PDE1C: variants seen among roughly 807,000 people sequenced by gnomAD.
The protein encoded by PDE1C is phosphodiesterase 1C.
PDE1C carries 62 observed loss-of-function variants against 93.1 expected under a neutral mutation model. The ratio of observed to expected loss-of-function variants is 0.67; its 90% CI spans 0.54 to 0.82. The LOEUF is 0.82. Among genes scored for constraint, PDE1C ranks in the 40% least tolerant of loss-of-function variants. The probability of loss-of-function intolerance (pLI) is 0.00; values close to 1 mark genes in which losing one functional copy is unlikely to be tolerated. For missense variants in PDE1C, 742 were observed against 884.6 expected, an observed-to-expected ratio of 0.84 and a Z score of 2.04; for synonymous variants, 325 against 310.1, an observed-to-expected ratio of 1.05 and a Z score of -0.50.
At chr7:31,963,620 A>G (rs570276720) in intron 2 of PDE1C, among the ~76,000 whole-genome samples, 1 of 152,348 alleles carries the variant, frequency 6.6e-6, no homozygotes, top group African/African-American at 2.4e-5. Context: ...GTAATCTGTT[A>G]CATTTTAGAA....
the PDE1C span, among the ~76,000 whole-genome samples, chr7:31,672,897 T>G: frequency 6.6e-6 from 1 of 152,198 alleles, no homozygotes; most frequent in Non-Finnish European, 1.5e-5. Flanking sequence ...ATTTTCCCCT[T>G]GCTGTTCTTG....
At chr7:32,027,042 G>C (rs951390837) in intron 2 of PDE1C, among the ~76,000 whole-genome samples, 1 of 152,100 alleles carries the variant, frequency 6.6e-6, no homozygotes. Flanking sequence ...AGAGCACAGA[G>C]AGTTTTCAGG....
chr7:31,893,296 A>G lies in PDE1C; in HGVS notation c.129-12436T>C, dbSNP rs143124407. Among the ~76,000 whole-genome samples the G allele has an allele frequency of 2.8e-3, 434 of 152,324 alleles. 1 individual carries two copies. Among genetic ancestry groups the G allele is most frequent in the Middle Eastern group, 0.014 (4 of 294 alleles). ...GTAATTACCATTCAATTTCCTTCCA[A>G]CTATACATCATTTTGTAATAGCTTT... On this transcript the variant is annotated intron_variant, in intron 2 of 17. Transcript: ENST00000396191.
chr7:31,727,730 G>A, the PDE1C span, among the ~76,000 whole-genome samples: 3 of 152,136 alleles, frequency 2.0e-5, no homozygotes, highest in Non-Finnish European at 2.9e-5. Context: ...TGGGAGATGT[G>A]TGCATATAAA....
At position 31,797,712 on chromosome 7, in the gene PDE1C, C is replaced by G. The variant is rs140826127; in HGVS notation, c.1891+11319G>C. ...AGAGGGGTGTAGAGCTAGTGAAAATCTGGTAGTCTAAAGTGGACAAAAAAT... is the reference window on the plus strand; with the variant it reads ...AGAGGGGTGTAGAGCTAGTGAAAATGTGGTAGTCTAAAGTGGACAAAAAAT... On this transcript the variant is annotated intron_variant, in intron 16 of 17. Coordinates refer to ENST00000396191, the MANE Select transcript of PDE1C (RefSeq NM_001191057.4). Among the ~76,000 whole-genome samples, 246 of 151,590 alleles carry G rather than the reference C, an allele frequency of 1.6e-3. 1 individual carries two copies. The highest frequency in any genetic ancestry group is 5.5e-3 in the African/African-American group (227 of 41,392).
At chr7:31,814,285 T>C (rs986215087) in intron 15 of PDE1C, among the ~76,000 whole-genome samples, 5 of 152,074 alleles carry the variant, frequency 3.3e-5, no homozygotes, top group South Asian at 2.1e-4. Context: ...TTTGGGTACA[T>C]GAAAAATTCT....
intron 2 of PDE1C, among the ~76,000 whole-genome samples, chr7:31,987,837 T>C (rs1783617417): frequency 6.6e-6 from 1 of 152,192 alleles, no homozygotes; most frequent in South Asian, 2.1e-4. Context: ...GAACTTTCAG[T>C]ATAAGGCTGG....
chr7:32,285,729 G>A (rs1023272750), intron 1 of PDE1C, among the ~76,000 whole-genome samples: 4 of 148,924 alleles, frequency 2.7e-5, no homozygotes, highest in African/African-American at 1.0e-4. Context: ...GGGAAGGGAA[G>A]GGAGTGGTAC....
chr7:32,281,938 C>T (rs1180021026), intron 1 of PDE1C, among the ~76,000 whole-genome samples: 1 of 152,096 alleles, frequency 6.6e-6, no homozygotes. Flanking sequence ...CGTGTTCTCC[C>T]GCATAGGTGG....
At position 31,751,554 on chromosome 7, in the gene PDE1C, G is replaced by C. The variant is rs1304916769; in HGVS notation, c.*1830C>G. The C allele has an allele frequency of 6.6e-6, 1 of 152,204 alleles. No individual in the cohort carries two copies. Among genetic ancestry groups the C allele is most frequent in the African/African-American group, 2.4e-5 (1 of 41,450 alleles). 9.4% of individuals were successfully genotyped at this position (152,204 alleles called of 1,614,324 possible). A position where few individuals can be genotyped will look rare whatever the true frequency, so the allele number is the denominator to read the frequency against. ...TTGTACAGCAAGCGCTAAAGCATCTGTGTATAAACAGATAGGAATTACCTG... is the reference window on the plus strand; with the variant it reads ...TTGTACAGCAAGCGCTAAAGCATCTCTGTATAAACAGATAGGAATTACCTG... On this transcript the variant is annotated 3_prime_UTR_variant, in exon 18 of 18. Transcript: ENST00000396191.
the PDE1C span, among the ~76,000 whole-genome samples, chr7:31,717,455 G>A: frequency 3.2e-3 from 480 of 152,240 alleles, 1 homozygote; most frequent in African/African-American, 0.011. Flanking sequence ...GTGTGTGAAT[G>A]TTTGCCCTTG....
chr7:32,241,300 G>A (rs1169961608), intron 1 of PDE1C, among the ~76,000 whole-genome samples: 2 of 152,172 alleles, frequency 1.3e-5, no homozygotes, highest in African/African-American at 4.8e-5. Context: ...CCTTGACGCA[G>A]CACAGCCAAC....
chr7:32,400,666 C>T (rs1784924918), intron 1 of PDE1C, among the ~76,000 whole-genome samples: 1 of 152,226 alleles, frequency 6.6e-6, no homozygotes, highest in African/African-American at 2.4e-5. Context: ...GTGTTTAAGG[C>T]TCTTCCCTGC....
chr7:32,131,679 T>C (rs1052658819), intron 3 of PDE1C, among the ~76,000 whole-genome samples: 1 of 152,154 alleles, frequency 6.6e-6, no homozygotes, highest in Admixed American at 6.5e-5. Context: ...TCTTCCCTCC[T>C]CTTGATTGCC....
intron 3 of PDE1C, among the ~76,000 whole-genome samples, chr7:32,082,175 C>T (rs548238655): frequency 1.8e-4 from 28 of 152,380 alleles, no homozygotes; most frequent in African/African-American, 6.7e-4. Flanking sequence ...TGCGCTTTTC[C>T]GACGGGCTTA....
the PDE1C span, among the ~76,000 whole-genome samples, chr7:31,625,674 A>C: frequency 4.7e-4 from 71 of 152,294 alleles, no homozygotes; most frequent in African/African-American, 1.6e-3. Context: ...CTAATGCTAG[A>C]TGACGAGTTA....
At chr7:31,652,019 G>A in the PDE1C span, 96 of 1,602,948 alleles carry the variant, frequency 6.0e-5, no homozygotes, top group South Asian at 4.1e-4. Flanking sequence ...TTAGGAGACC[G>A]GGCTCAGCAA....
intron 2 of PDE1C, among the ~76,000 whole-genome samples, chr7:32,007,007 C>T (rs1055476472): frequency 2.0e-5 from 3 of 152,222 alleles, no homozygotes; most frequent in African/African-American, 7.2e-5. Flanking sequence ...CTGTGATGCT[C>T]TTTGGTGTAA....
chr7:31,695,127 C>T, the PDE1C span, among the ~76,000 whole-genome samples: 9 of 142,642 alleles, frequency 6.3e-5, no homozygotes, highest in South Asian at 2.2e-4. Flanking sequence ...AATGGAGGCG[C>T]GTTTAGCAGA....
Sources: allele counts gnomAD v4.1 joint callset (sites outside exome capture counted in the v4.1 genomes callset), GRCh38; gene constraint gnomAD v4.1.1; transcripts MANE v1.5; gene names NCBI Gene and HGNC (gene_info 2026-07-23, HGNC 2026-07-21).